The following FBN2 variants were observed in gnomAD, a reference collection of about 807,000 sequenced individuals.
FBN2 encodes fibrillin 2.
FBN2 carries 105 observed loss-of-function variants against 355.6 expected under a neutral mutation model. That is an observed-to-expected ratio of 0.30 (90% CI 0.25 to 0.35). FBN2 has a LOEUF of 0.35. FBN2 is among the 10% of genes least tolerant of loss of function. The pLI is 1.00. For missense variants in FBN2, 3,280 were observed against 3,758.7 expected (o/e 0.87, Z 3.33); for synonymous variants, 1,350 against 1,301.2 (o/e 1.04, Z -0.81).
chr5:128,335,885 TG>T, intron 28 of FBN2, 102 bp downstream of exon 28: 1 of 1,253,796 alleles, frequency 8.0e-7, no homozygotes. Flanking sequence ...CATTCATTTT[TG>T]GGACAAAGGA....
chr5:128,384,782 T>C (rs1752323271), intron 11 of FBN2, among the ~76,000 whole-genome samples: 1 of 151,960 alleles, frequency 6.6e-6, no homozygotes, highest in South Asian at 2.1e-4. Context: ...TAGATGAAAT[T>C]ATAGTTGGAT....
chr5:128,401,077 T>C (rs1393986382), intron 8 of FBN2, among the ~76,000 whole-genome samples: 1 of 152,238 alleles, frequency 6.6e-6, no homozygotes, highest in Non-Finnish European at 1.5e-5. Flanking sequence ...TTCCCAGCCA[T>C]GTGGAACTGT....
At chr5:128,329,224 C>T (rs2126887385) in intron 33 of FBN2, among the ~76,000 whole-genome samples, 1 of 152,204 alleles carries the variant, frequency 6.6e-6, no homozygotes, top group Admixed American at 6.5e-5. Flanking sequence ...GAATAAATAA[C>T]TGGCTTTTTC....
At chr5:128,396,545 T>C (rs556126675) in intron 8 of FBN2, among the ~76,000 whole-genome samples, 4 of 152,328 alleles carry the variant, frequency 2.6e-5, no homozygotes, top group African/African-American at 9.6e-5. Flanking sequence ...GGAAGTGACA[T>C]GATCAAATAT....
intron 34 of FBN2, among the ~76,000 whole-genome samples, chr5:128,324,974 CTGTT>C (rs147216487): frequency 0.02 from 2,972 of 152,180 alleles, 47 homozygotes; most frequent in Non-Finnish European, 0.031. Flanking sequence ...GTCGGAGAGA[CTGTT>C]TGTTATTATT....
intron 5 of FBN2, among the ~76,000 whole-genome samples, chr5:128,510,264 GA>G (rs550749710): frequency 2.0e-5 from 3 of 151,868 alleles, no homozygotes; most frequent in Admixed American, 6.6e-5. Context: ...AAAGAAAAAA[GA>G]AAAAAAACCC....
intron 13 of FBN2, 82 bp downstream of exon 13, chr5:128,377,670 T>C: frequency 6.9e-7 from 1 of 1,455,874 alleles, no homozygotes; most frequent in South Asian, 1.1e-5. Flanking sequence ...GTGTGTGAGC[T>C]TTCATGGAAA....
At chr5:128,264,314 C>T (rs967726496) in intron 62 of FBN2, among the ~76,000 whole-genome samples, 18 of 142,490 alleles carry the variant, frequency 1.3e-4, no homozygotes, top group African/African-American at 4.8e-4. Flanking sequence ...GAAAACAACA[C>T]TATTTAGTTA....
chr5:128,383,499 C>G (rs982834241), intron 11 of FBN2, among the ~76,000 whole-genome samples: 1 of 152,016 alleles, frequency 6.6e-6, no homozygotes. Context: ...AATTACAGCA[C>G]TTCAAAAGAT....
At chr5:128,371,667 G>T (rs778957205) in intron 15 of FBN2, among the ~76,000 whole-genome samples, 4 of 151,928 alleles carry the variant, frequency 2.6e-5, no homozygotes, top group Admixed American at 6.6e-5. Flanking sequence ...CTGAGTAGCT[G>T]GGATTACAGG....
At chr5:128,368,437 C>CATATATATACATAT (rs1215643724) in intron 16 of FBN2, among the ~76,000 whole-genome samples, 1 of 97,728 alleles carries the variant, frequency 1.0e-5, no homozygotes, top group Admixed American at 9.7e-5. Context: ...TATATATACA[C>CATATATATACATAT]ATATATACAT....
intron 59 of FBN2, among the ~76,000 whole-genome samples, chr5:128,275,598 A>G (rs1765373985): frequency 6.6e-6 from 1 of 152,114 alleles, no homozygotes; most frequent in Non-Finnish European, 1.5e-5. Context: ...TTAATGATCT[A>G]ATTTAGCTTG....
At chr5:128,320,431 C>T (rs1325328810) in intron 34 of FBN2, among the ~76,000 whole-genome samples, 1 of 152,146 alleles carries the variant, frequency 6.6e-6, no homozygotes, top group African/African-American at 2.4e-5. Flanking sequence ...CTAGGTTGGT[C>T]TTGAACTCCT....
intron 15 of FBN2, among the ~76,000 whole-genome samples, chr5:128,370,861 GA>G (rs1162500761): frequency 6.6e-6 from 1 of 152,096 alleles, no homozygotes; most frequent in Non-Finnish European, 1.5e-5. Context: ...GAAGTTTCAT[GA>G]AAAAGAAAGT....
chr5:128,292,614 A>C (rs151186247), intron 48 of FBN2, among the ~76,000 whole-genome samples: 13 of 152,184 alleles, frequency 8.5e-5, no homozygotes, highest in Middle Eastern at 3.4e-3. Flanking sequence ...ACCACCACCA[A>C]CAACAAAAAA....
intron 11 of FBN2, among the ~76,000 whole-genome samples, chr5:128,385,708 A>T (rs549625510): frequency 8.6e-5 from 13 of 151,904 alleles, no homozygotes; most frequent in Non-Finnish European, 1.3e-4. Flanking sequence ...CCTTACCAGC[A>T]TCTACTTTTT....
chr5:128,318,603 A>G (rs1750278655), intron 35 of FBN2, among the ~76,000 whole-genome samples: 2 of 151,904 alleles, frequency 1.3e-5, no homozygotes, highest in Non-Finnish European at 2.9e-5. Flanking sequence ...CATGTACTAT[A>G]TATACATATA....
chr5:128,507,528 T>G (rs944423042), intron 5 of FBN2, among the ~76,000 whole-genome samples: 2 of 152,116 alleles, frequency 1.3e-5, no homozygotes, highest in African/African-American at 4.8e-5. Context: ...TTATTTTTAT[T>G]GTTATTTTCA....
chr5:128,358,010 G>C (rs1359478091), intron 19 of FBN2, among the ~76,000 whole-genome samples: 1 of 151,970 alleles, frequency 6.6e-6, no homozygotes, highest in Non-Finnish European at 1.5e-5. Context: ...TGATCAAGTA[G>C]AAATAATTGC....
Sources: gnomAD v4.1 joint callset for allele counts (sites outside exome capture counted in the v4.1 genomes callset) on GRCh38, gnomAD v4.1.1 for gene constraint, MANE v1.5 for transcripts, NCBI Gene and HGNC (gene_info 2026-07-23, HGNC 2026-07-21) for gene names.